Variants in FILIP1 observed in about 807,000 individuals in gnomAD.
FILIP1 encodes filamin A interacting protein 1.
Under a neutral mutation model 102.1 loss-of-function variants are expected in FILIP1, and 61 were observed. The ratio of observed to expected loss-of-function variants is 0.60; its 90% CI spans 0.49 to 0.74. The LOEUF (loss-of-function observed/expected upper bound fraction) is 0.74, where lower values mean the gene tolerates loss of function less well. Ranked by LOEUF, FILIP1 falls within the 30% of genes least tolerant of loss-of-function variation. FILIP1 has a pLI of 0.00. For missense variants in FILIP1, 1,314 were observed against 1,441.2 expected (o/e 0.91, Z 1.43); for synonymous variants, 491 against 526.9 (o/e 0.93, Z 0.93).
At chr6:75,363,006 A>T in intron 2 of FILIP1, 89 bp from the exon 3 acceptor site, 6 of 1,312,308 alleles carry the variant, frequency 4.6e-6, no homozygotes, top group Non-Finnish European at 6.4e-6. Context: ...TATTGAATAC[A>T]TCCCCATCTT....
intron 1 of FILIP1, chr6:75,455,123 T>TG (rs1361939181): frequency 1.5e-5 from 2 of 130,094 alleles, no homozygotes; most frequent in Non-Finnish European, 3.2e-5. Flanking sequence ...ATTGGGGGGG[T>TG]GGGGGGACAA....
Position 75,301,099 on chromosome 6 carries a change from G to T in FILIP1, c.3494-5149C>A, listed in dbSNP as rs376356550. On this transcript the variant is annotated intron_variant, in intron 6 of 6. Coordinates refer to the FILIP1 transcript ENST00000393004. ...AACACAGATGGTAAATACCTAGGTT[G>T]TTCTAAGTCTATGGCTAGTCACAGA... Among the ~76,000 whole-genome samples, 3 of 152,328 alleles carry T rather than the reference G, an allele frequency of 2.0e-5. No individual in the cohort carries two copies. In the South Asian group the frequency reaches 6.2e-4, roughly 32 times the overall value.
chr6:75,309,015 TC>T, intron 5 of FILIP1, 118 bp from the exon 6 acceptor site: 1 of 1,013,908 alleles, frequency 9.9e-7, no homozygotes, highest in Non-Finnish European at 1.4e-6. Context: ...AGAAGACCCT[TC>T]CCCAGATAAA....
intron 1 of FILIP1, among the ~76,000 whole-genome samples, chr6:75,457,908 A>T (rs1778897660): frequency 6.6e-6 from 1 of 152,178 alleles, no homozygotes; most frequent in Non-Finnish European, 1.5e-5. Flanking sequence ...TATATTTTTT[A>T]AAAACTTTTT....
At chr6:75,302,813 T>C (rs796629714) in intron 6 of FILIP1, among the ~76,000 whole-genome samples, 2 of 130,202 alleles carry the variant, frequency 1.5e-5, no homozygotes, top group Admixed American at 7.9e-5. Context: ...GATGATATGA[T>C]ATGATATGAC....
intron 1 of FILIP1, among the ~76,000 whole-genome samples, chr6:75,471,060 T>C (rs1310527149): frequency 1.4e-5 from 2 of 145,134 alleles, no homozygotes; most frequent in Non-Finnish European, 1.5e-5. Flanking sequence ...CTCAGGAAGC[T>C]AAGGTGGAAG....
At chr6:75,324,343 A>C (rs1773761523) in intron 4 of FILIP1, among the ~76,000 whole-genome samples, 1 of 98,542 alleles carries the variant, frequency 1.0e-5, no homozygotes, top group Admixed American at 1.0e-4. Context: ...AATATACCTA[A>C]CCAAAAAAAA....
intron 2 of FILIP1, among the ~76,000 whole-genome samples, chr6:75,393,376 T>C (rs1425102276): frequency 1.3e-5 from 2 of 152,148 alleles, no homozygotes. Flanking sequence ...AAAACAAATA[T>C]CATTTTCCTA....
At chr6:75,447,141 C>T (rs1210046268) in intron 1 of FILIP1, among the ~76,000 whole-genome samples, 1 of 151,990 alleles carries the variant, frequency 6.6e-6, no homozygotes, top group Admixed American at 6.6e-5. Context: ...AAACTTCTGT[C>T]GTATTAAAAA....
intron 5 of FILIP1, among the ~76,000 whole-genome samples, chr6:75,309,322 C>T (rs1299735357): frequency 6.6e-6 from 1 of 152,148 alleles, no homozygotes; most frequent in African/African-American, 2.4e-5. Context: ...TCAGAATCTT[C>T]GCATGTTATT....
chr6:75,394,166 C>T lies in FILIP1; in HGVS notation c.276+20531G>A, dbSNP rs892199798. 1.3e-5 allele frequency among the ~76,000 whole-genome samples: 2 copies of T among 152,064 alleles called. 1 individual carries two copies. Among genetic ancestry groups the T allele is most frequent in the African/African-American group, 4.8e-5 (2 of 41,402 alleles). The stretch of plus-strand genomic sequence containing the variant: ...TTTAGGCTTCTAACATCTGTGTAAC[C>T]AAATCCCTATTAACTCCTTTCTGTT... On this transcript the variant is annotated intron_variant, in intron 2 of 5. Transcript: ENST00000237172.
chr6:75,361,621 C>A (rs1775176690), intron 3 of FILIP1, among the ~76,000 whole-genome samples: 1 of 152,130 alleles, frequency 6.6e-6, no homozygotes, highest in Admixed American at 6.5e-5. Context: ...TTAGAATATG[C>A]CAGAAACTAT....
chr6:75,316,014 C>T (rs1044959382), intron 4 of FILIP1, among the ~76,000 whole-genome samples: 10 of 152,042 alleles, frequency 6.6e-5, no homozygotes, highest in African/African-American at 2.4e-4. Context: ...TTTATTTAAA[C>T]AATACTTTTT....
At chr6:75,363,007 T>A in intron 2 of FILIP1, 90 bp from the exon 3 acceptor site, 1 of 1,308,960 alleles carries the variant, frequency 7.6e-7, no homozygotes, top group Non-Finnish European at 1.1e-6. Flanking sequence ...ATTGAATACA[T>A]CCCCATCTTG....
intron 2 of FILIP1, among the ~76,000 whole-genome samples, chr6:75,372,621 AAAAGAAAGAAAGAAAGAAAGAAAGAAAG>A (rs760896137): frequency 2.4e-5 from 1 of 42,230 alleles, no homozygotes. Context: ...GAAAGAAAGA[AAAAGAAAGAAAGAAAGAAAGAAAGAAAG>A]AAAGAAAGAA....
chr6:75,319,367 A>T, intron 4 of FILIP1: 1 of 629,202 alleles, frequency 1.6e-6, no homozygotes. Context: ...AAAAGGCCGA[A>T]GGAGAGCTCT....
At chr6:75,380,278 T>A (rs775739292) in intron 2 of FILIP1, among the ~76,000 whole-genome samples, 20 of 139,056 alleles carry the variant, frequency 1.4e-4, no homozygotes, top group Admixed American at 1.2e-3. Flanking sequence ...TTATAAAGAG[T>A]TTACATATAT....
At chr6:75,363,043 G>A in intron 2 of FILIP1, 126 bp from the exon 3 acceptor site, 4 of 878,592 alleles carry the variant, frequency 4.6e-6, no homozygotes, top group Non-Finnish European at 6.9e-6. Flanking sequence ...AATTCACTGG[G>A]TATTCTGCTC....
At chr6:75,428,686 T>C (rs1777715642) in intron 1 of FILIP1, among the ~76,000 whole-genome samples, 1 of 152,200 alleles carries the variant, frequency 6.6e-6, no homozygotes, top group South Asian at 2.1e-4. Context: ...TTAACTGTAA[T>C]TATTTCCATG....
Sources: allele counts gnomAD v4.1 joint callset (sites outside exome capture counted in the v4.1 genomes callset), GRCh38; gene constraint gnomAD v4.1.1; transcripts MANE v1.5; gene names NCBI Gene and HGNC (gene_info 2026-07-23, HGNC 2026-07-21).